Variants in PTH2R observed in about 807,000 individuals in gnomAD.
PTH2R encodes the protein parathyroid hormone 2 receptor.
Under a neutral mutation model 60.3 loss-of-function variants are expected in PTH2R, and 59 were observed. The ratio of observed to expected loss-of-function variants is 0.98; its 90% CI spans 0.79 to 1.22. The LOEUF (loss-of-function observed/expected upper bound fraction) is 1.22, where lower values mean the gene tolerates loss of function less well. PTH2R is among the 50% of genes most tolerant of loss of function. The probability of loss-of-function intolerance (pLI) is 0.00; values close to 1 mark genes in which losing one functional copy is unlikely to be tolerated. For synonymous variants in PTH2R, 256 were observed against 243.8 expected (o/e 1.05, Z -0.47); for missense variants, 749 against 682.6 (o/e 1.10, Z -1.08).
Position 208,459,876 on chromosome 2 carries a change from C to T in PTH2R, c.915-19C>T. ...TGCTTTGCCAATTTATTCATGACAG[C>T]TTTTTTTCAATGTCTCAGGTGCTGG... On this transcript the variant is annotated intron_variant, in intron 8 of 12. Transcript: ENST00000272847. 6.2e-7 allele frequency: 1 copy of T among 1,610,346 alleles called. No homozygotes were observed. Among genetic ancestry groups the T allele is most frequent in the Non-Finnish European group, 8.5e-7 (1 of 1,177,904 alleles).
chr2:208,438,629 G>C (rs1010967670), intron 4 of PTH2R, among the ~76,000 whole-genome samples: 1 of 152,126 alleles, frequency 6.6e-6, no homozygotes, highest in Non-Finnish European at 1.5e-5. Flanking sequence ...CTTAGACCTC[G>C]TGAGTAAAAA....
intron 8 of PTH2R, among the ~76,000 whole-genome samples, chr2:208,452,433 G>A (rs887677789): frequency 6.6e-5 from 10 of 152,136 alleles, no homozygotes; most frequent in Non-Finnish European, 1.5e-4. Flanking sequence ...TAGCATTTTT[G>A]TATATTGTTA....
At chr2:208,369,142 A>T (rs1700646523) in intron 1 of PTH2R, among the ~76,000 whole-genome samples, 1 of 152,116 alleles carries the variant, frequency 6.6e-6, no homozygotes, top group African/African-American at 2.4e-5. Context: ...CTTGGTCAAT[A>T]AATAAAATAC....
chr2:208,425,021 C>T (rs1007611041), intron 1 of PTH2R, among the ~76,000 whole-genome samples: 6 of 152,200 alleles, frequency 3.9e-5, no homozygotes, highest in African/African-American at 1.4e-4. Context: ...CGGGTGAGAC[C>T]TGTTGTAGCC....
chr2:208,382,198 T>A (rs140552270), intron 1 of PTH2R, among the ~76,000 whole-genome samples: 81 of 152,218 alleles, frequency 5.3e-4, no homozygotes, highest in African/African-American at 1.9e-3. Context: ...TGTGTAGATA[T>A]ATCCTGTGTG....
chr2:208,408,765 A>AGAGAGAGAGAGAGAGAGAG (rs58469801), intron 1 of PTH2R, among the ~76,000 whole-genome samples: 14 of 150,874 alleles, frequency 9.3e-5, no homozygotes, highest in African/African-American at 2.5e-4. Flanking sequence ...AGAGAGAGAG[A>AGAGAGAGAGAGAGAGAGAG]AATAAATAAT....
intron 1 of PTH2R, among the ~76,000 whole-genome samples, chr2:208,375,220 A>G (rs184399328): frequency 9.2e-5 from 14 of 152,160 alleles, no homozygotes; most frequent in Admixed American, 3.9e-4. Context: ...TTTTCTTTTT[A>G]ACATGTAAAC....
intron 1 of PTH2R, among the ~76,000 whole-genome samples, chr2:208,395,807 CTACTT>C (rs1186265252): frequency 6.6e-6 from 1 of 152,196 alleles, no homozygotes; most frequent in Non-Finnish European, 1.5e-5. Context: ...CTGGAAAAAA[CTACTT>C]TAAAGTTCAT....
At chr2:208,441,684 C>T (rs1361729946) in intron 4 of PTH2R, among the ~76,000 whole-genome samples, 1 of 152,124 alleles carries the variant, frequency 6.6e-6, no homozygotes, top group Non-Finnish European at 1.5e-5. Context: ...GGAGGTGTCA[C>T]CGTAAGGGAC....
chr2:208,409,241 A>G (rs1701490720), intron 1 of PTH2R, among the ~76,000 whole-genome samples: 2 of 152,164 alleles, frequency 1.3e-5, no homozygotes, highest in South Asian at 2.1e-4. Flanking sequence ...AAACTGATAC[A>G]TTTTATGACC....
In PTH2R at chr2:208,481,183, TC is replaced by T; in HGVS notation, c.1076+21del. 1 of 1,505,120 alleles carries T rather than the reference TC, an allele frequency of 6.6e-7. No homozygotes were observed. The highest frequency in any genetic ancestry group is 9.1e-7 in the Non-Finnish European group (1 of 1,093,514). 93.2% of individuals were successfully genotyped at this position (1,505,120 alleles called of 1,614,324 possible). The stretch of plus-strand genomic sequence containing the variant: ...AATACAGGTAATTTCAGGAGAGGCA[TC>T]CATCAGAGGAAATATTTTGGTTACT... On this transcript the variant is annotated intron_variant, in intron 10 of 12. Transcript: ENST00000272847.
chr2:208,448,465 A>T (rs1440325472), intron 7 of PTH2R, among the ~76,000 whole-genome samples: 3 of 151,490 alleles, frequency 2.0e-5, no homozygotes, highest in Non-Finnish European at 2.9e-5. Flanking sequence ...CCTGGCTAAC[A>T]TGGTGAAACC....
At chr2:208,396,271 A>T (rs1022332548) in intron 1 of PTH2R, among the ~76,000 whole-genome samples, 2 of 152,220 alleles carry the variant, frequency 1.3e-5, no homozygotes. Flanking sequence ...CATGACTAAA[A>T]CACCAAAAGT....
exon 1 of PTH2R, chr2:208,359,851 C>T (rs932038039): frequency 1.7e-5 from 3 of 180,356 alleles, no homozygotes; most frequent in African/African-American, 7.1e-5. Context: ...CTGGATAGAG[C>T]GTACCCTGAG....
intron 2 of PTH2R, 61 bp downstream of exon 2, chr2:208,428,364 A>G: frequency 8.4e-7 from 1 of 1,192,420 alleles, no homozygotes; most frequent in Non-Finnish European, 1.2e-6. Context: ...TAAAGATTGC[A>G]CATTTCCCTC....
chr2:208,487,301 G>A (rs892081149), intron 10 of PTH2R, among the ~76,000 whole-genome samples: 6 of 152,126 alleles, frequency 3.9e-5, no homozygotes, highest in African/African-American at 1.4e-4. Context: ...TGTAGCCTTA[G>A]TCTAGTGTGA....
intron 1 of PTH2R, among the ~76,000 whole-genome samples, chr2:208,394,083 T>C (rs1041815897): frequency 6.6e-6 from 1 of 152,208 alleles, no homozygotes; most frequent in African/African-American, 2.4e-5. Context: ...CTGAGTTGTC[T>C]TGAGGGGCAA....
At chr2:208,443,301 A>C (rs777579275) in intron 5 of PTH2R, 47 bp from the exon 6 acceptor site, 2 of 1,465,408 alleles carry the variant, frequency 1.4e-6, no homozygotes, top group Non-Finnish European at 1.8e-6. Flanking sequence ...TGTTTCCCCC[A>C]TTTTTAATTT....
chr2:208,417,888 A>G (rs751867278), intron 1 of PTH2R, among the ~76,000 whole-genome samples: 5 of 152,180 alleles, frequency 3.3e-5, no homozygotes, highest in Non-Finnish European at 5.9e-5. Flanking sequence ...TATCATTGCA[A>G]AACATGAAAA....
Sources: allele counts gnomAD v4.1 joint callset (sites outside exome capture counted in the v4.1 genomes callset), GRCh38; gene constraint gnomAD v4.1.1; transcripts MANE v1.5; gene names NCBI Gene and HGNC (gene_info 2026-07-23, HGNC 2026-07-21).